Variants in LEF1 observed in about 807,000 individuals in gnomAD.
LEF1 encodes the protein lymphoid enhancer binding factor 1.
In LEF1, 14 loss-of-function variants were observed where a neutral mutation model predicts 51.2. That is an observed-to-expected ratio of 0.27 (90% CI 0.18 to 0.43). LEF1 has a LOEUF of 0.43. Ranked by LOEUF, LEF1 falls within the 20% of genes least tolerant of loss-of-function variation. The probability of loss-of-function intolerance (pLI) is 1.00; values close to 1 mark genes in which losing one functional copy is unlikely to be tolerated. For synonymous variants in LEF1, 185 were observed against 183.2 expected (o/e 1.01, Z -0.08); for missense variants, 386 against 512.0 (o/e 0.75, Z 2.37).
chr4:108,090,383 C>T (rs1001170955), intron 3 of LEF1, among the ~76,000 whole-genome samples: 3 of 152,106 alleles, frequency 2.0e-5, no homozygotes, highest in Non-Finnish European at 4.4e-5. Context: ...ATTTGGAAGT[C>T]AACAGTCACA....
intron 9 of LEF1, among the ~76,000 whole-genome samples, chr4:108,069,549 G>C (rs115872504): frequency 2.0e-5 from 3 of 152,272 alleles, no homozygotes; most frequent in Non-Finnish European, 4.4e-5. Flanking sequence ...CATGAAAAAA[G>C]ATTTTTTTAC....
chr4:108,076,069 G>A (rs980204531), intron 8 of LEF1, among the ~76,000 whole-genome samples: 1 of 152,084 alleles, frequency 6.6e-6, no homozygotes, highest in African/African-American at 2.4e-5. Flanking sequence ...GCACACACAT[G>A]CTACTCCATC....
chr4:108,132,749 C>A (rs1742982994), intron 3 of LEF1, among the ~76,000 whole-genome samples: 1 of 135,984 alleles, frequency 7.4e-6, no homozygotes. Flanking sequence ...CTCACTGCAA[C>A]CTCCACTTCC....
At chr4:108,078,408 A>G (rs779693135) in intron 7 of LEF1, 26 bp from the exon 8 acceptor site, 1 of 1,613,618 alleles carries the variant, frequency 6.2e-7, no homozygotes, top group African/African-American at 1.3e-5. Flanking sequence ...GGTGGTGGTT[A>G]GGGGAAGGGG....
intron 1 of LEF1, chr4:108,166,547 C>T: frequency 1.6e-6 from 2 of 1,267,508 alleles, no homozygotes; most frequent in East Asian, 7.7e-5. Context: ...AGGGTCCATC[C>T]GCCCCCTAGA....
chr4:108,147,412 T>C lies in LEF1; in HGVS notation c.414+16156A>G, dbSNP rs932784280. Reference sequence around the variant, plus strand: ...GAATTATGAACGGTTTTTTCATTTGTAGCTTAAATGTCACATTTCTCTCAC... The same window carrying C: ...GAATTATGAACGGTTTTTTCATTTGCAGCTTAAATGTCACATTTCTCTCAC... On this transcript the variant is annotated intron_variant, in intron 3 of 11. Transcript: ENST00000265165. 4.6e-4 allele frequency among the ~76,000 whole-genome samples: 70 copies of C among 152,246 alleles called. 2 individuals are homozygous for C. The highest frequency in any genetic ancestry group is 8.8e-5 in the Non-Finnish European group (6 of 68,046).
At chr4:108,130,946 C>A (rs185245875) in intron 3 of LEF1, among the ~76,000 whole-genome samples, 64 of 152,116 alleles carry the variant, frequency 4.2e-4, no homozygotes, top group African/African-American at 1.5e-3. Flanking sequence ...GAAATATTTT[C>A]TTTAATTTAA....
chr4:108,058,400 A>G (rs1737449092), intron 11 of LEF1, among the ~76,000 whole-genome samples: 2 of 152,202 alleles, frequency 1.3e-5, no homozygotes, highest in African/African-American at 4.8e-5. Context: ...AAACATTATA[A>G]TTCTTTACTT....
chr4:108,163,539 A>T (rs927622572), intron 3 of LEF1, 29 bp downstream of exon 3: 5 of 1,604,262 alleles, frequency 3.1e-6, no homozygotes, highest in East Asian at 4.5e-5. Flanking sequence ...ACTTCTGAAC[A>T]TAATTTGCAA....
chr4:108,107,341 C>T (rs374054711), intron 3 of LEF1, among the ~76,000 whole-genome samples: 22 of 149,690 alleles, frequency 1.5e-4, no homozygotes, highest in Middle Eastern at 6.8e-3. Context: ...TATGAAATTT[C>T]GTAGAAAGTC....
intron 3 of LEF1, among the ~76,000 whole-genome samples, chr4:108,101,454 T>C (rs1740817743): frequency 6.6e-6 from 1 of 152,166 alleles, no homozygotes; most frequent in African/African-American, 2.4e-5. Context: ...AAAATCAGCT[T>C]AGGGATTTCT....
intron 3 of LEF1, among the ~76,000 whole-genome samples, chr4:108,126,602 A>G (rs1173110910): frequency 2.6e-5 from 4 of 151,994 alleles, no homozygotes; most frequent in Admixed American, 6.6e-5. Context: ...CAGGAGTTCG[A>G]GACCAGCCTG....
intron 3 of LEF1, among the ~76,000 whole-genome samples, chr4:108,137,078 A>G (rs1743311138): frequency 6.6e-6 from 1 of 152,216 alleles, no homozygotes; most frequent in Admixed American, 6.5e-5. Context: ...CTCTCCCTAA[A>G]TAAGTATTGT....
chr4:108,148,262 G>C (rs1272807610), intron 3 of LEF1, among the ~76,000 whole-genome samples: 1 of 127,550 alleles, frequency 7.8e-6, no homozygotes, highest in Non-Finnish European at 1.7e-5. Flanking sequence ...TACTTAACAT[G>C]AATGCTCTTT....
At chr4:108,093,374 C>T (rs372772380) in intron 3 of LEF1, among the ~76,000 whole-genome samples, 23 of 152,262 alleles carry the variant, frequency 1.5e-4, no homozygotes, top group African/African-American at 4.6e-4. Flanking sequence ...GATTCCTACT[C>T]GGGTGCTTTT....
At chr4:108,160,215 G>T (rs1365852927) in intron 3 of LEF1, among the ~76,000 whole-genome samples, 1 of 152,198 alleles carries the variant, frequency 6.6e-6, no homozygotes, top group Non-Finnish European at 1.5e-5. Flanking sequence ...TTCACACGGT[G>T]TTCAGGCACA....
At chr4:108,129,339 T>C (rs555236543) in intron 3 of LEF1, among the ~76,000 whole-genome samples, 23 of 152,210 alleles carry the variant, frequency 1.5e-4, no homozygotes, top group Non-Finnish European at 2.8e-4. Flanking sequence ...CCAATTAGAA[T>C]GCTTTCTTTA....
At chr4:108,109,850 T>C (rs999626009) in intron 3 of LEF1, among the ~76,000 whole-genome samples, 4 of 152,104 alleles carry the variant, frequency 2.6e-5, no homozygotes, top group African/African-American at 7.2e-5. Context: ...TGGGAGGCTC[T>C]TGGGGAAGGG....
At chr4:108,128,568 C>T (rs1283002485) in intron 3 of LEF1, among the ~76,000 whole-genome samples, 1 of 151,602 alleles carries the variant, frequency 6.6e-6, no homozygotes, top group Non-Finnish European at 1.5e-5. Flanking sequence ...TTCTTTTGCC[C>T]TTTGGAAAGA....
Sources: allele counts gnomAD v4.1 joint callset (sites outside exome capture counted in the v4.1 genomes callset), GRCh38; gene constraint gnomAD v4.1.1; transcripts MANE v1.5; gene names NCBI Gene and HGNC (gene_info 2026-07-23, HGNC 2026-07-21).